SPAG16: variants seen among roughly 807,000 people sequenced by gnomAD.
The protein encoded by SPAG16 is sperm-associated antigen 16 protein.
SPAG16 carries 86 observed loss-of-function variants against 80.4 expected under a neutral mutation model. That is an observed-to-expected ratio of 1.07 (90% CI 0.90 to 1.28). The LOEUF (loss-of-function observed/expected upper bound fraction) is 1.28. SPAG16 is among the 50% of genes most tolerant of loss of function. The pLI is 0.00. For synonymous variants in SPAG16, 294 were observed against 265.9 expected, an observed-to-expected ratio of 1.11 and a Z score of -1.03; for missense variants, 870 against 765.3, an observed-to-expected ratio of 1.14 and a Z score of -1.61.
At chr2:214,265,831 A>G (rs1691526671) in intron 15 of SPAG16, among the ~76,000 whole-genome samples, 1 of 151,928 alleles carries the variant, frequency 6.6e-6, no homozygotes, top group Non-Finnish European at 1.5e-5. Flanking sequence ...TTTAATGTTA[A>G]GTTCTCAAAG....
intron 10 of SPAG16, among the ~76,000 whole-genome samples, chr2:213,600,814 G>A (rs1352862868): frequency 6.6e-6 from 1 of 152,166 alleles, no homozygotes; most frequent in Non-Finnish European, 1.5e-5. Context: ...TTCTCGCTAT[G>A]TGTTGTAGAG....
At chr2:213,504,249 G>A (rs368143096) in intron 10 of SPAG16, among the ~76,000 whole-genome samples, 1 of 152,172 alleles carries the variant, frequency 6.6e-6, no homozygotes, top group Non-Finnish European at 1.5e-5. Flanking sequence ...AGGGCAGTGT[G>A]TAGAGAGGGA....
chr2:213,795,858 C>T (rs929005458), intron 10 of SPAG16, among the ~76,000 whole-genome samples: 1 of 152,170 alleles, frequency 6.6e-6, no homozygotes, highest in Non-Finnish European at 1.5e-5. Context: ...GAGGACTCCG[C>T]AGAAGCAGAA....
At chr2:213,484,295 C>T (rs1459860428) in intron 9 of SPAG16, among the ~76,000 whole-genome samples, 1 of 152,012 alleles carries the variant, frequency 6.6e-6, no homozygotes, top group African/African-American at 2.4e-5. Context: ...CAGTCTAAAG[C>T]CCAAGAAATG....
intron 5 of SPAG16, among the ~76,000 whole-genome samples, chr2:213,322,184 T>C (rs1289947706): frequency 6.6e-6 from 1 of 151,616 alleles, no homozygotes; most frequent in African/African-American, 2.4e-5. Flanking sequence ...TAAACCTTGT[T>C]TTATTTGGTA....
At chr2:213,809,309 C>G (rs183099008) in intron 10 of SPAG16, among the ~76,000 whole-genome samples, 2 of 152,104 alleles carry the variant, frequency 1.3e-5, no homozygotes, top group African/African-American at 2.4e-5. Flanking sequence ...TTCACCCTGG[C>G]TAAGAGAAGA....
At chr2:213,923,807 A>C (rs2078333110) in intron 11 of SPAG16, 1 of 152,326 alleles carries the variant, frequency 6.6e-6, no homozygotes, top group Non-Finnish European at 1.5e-5. Flanking sequence ...AGGAAGCTGC[A>C]CCTTCCAGCT....
intron 11 of SPAG16, among the ~76,000 whole-genome samples, chr2:213,906,103 G>T (rs1211370880): frequency 1.3e-5 from 2 of 152,068 alleles, no homozygotes; most frequent in Non-Finnish European, 2.9e-5. Flanking sequence ...ATACTTCAGA[G>T]ACCTTTATTT....
At chr2:214,295,120 G>A (rs1260374159) in intron 15 of SPAG16, among the ~76,000 whole-genome samples, 1 of 152,188 alleles carries the variant, frequency 6.6e-6, no homozygotes, top group African/African-American at 2.4e-5. Flanking sequence ...CAAGAGGTTA[G>A]TGCTCAGGTC....
chr2:213,899,987 C>T (rs1025935412), intron 11 of SPAG16, among the ~76,000 whole-genome samples: 4 of 152,124 alleles, frequency 2.6e-5, no homozygotes, highest in African/African-American at 7.2e-5. Context: ...GCAGAGATTG[C>T]GAAGAAAGTA....
intron 15 of SPAG16, among the ~76,000 whole-genome samples, chr2:214,332,120 C>T (rs187211326): frequency 4.5e-4 from 68 of 152,260 alleles, no homozygotes; most frequent in Non-Finnish European, 2.9e-5. Context: ...GGCATGGTGG[C>T]ATGCTCCTGT....
rs762677168 is a variant in SPAG16 at position 213,976,125 on chromosome 2, T to C, written c.1401-37826T>C. Among the ~76,000 whole-genome samples the C allele has an allele frequency of 7.6e-3, 784 of 103,064 alleles. 15 individuals are homozygous for C. The highest frequency in any genetic ancestry group is 0.03 in the African/African-American group (753 of 25,520). The allele number at this position is 103,064 out of a possible 152,430, so 67.6% of individuals were successfully genotyped here. Reference sequence around the variant, plus strand: ...AGTGAGGGAGATATATATATATATATATATATATATACACACACACACACA... The same window carrying C: ...AGTGAGGGAGATATATATATATATACATATATATATACACACACACACACA... On this transcript the variant is annotated intron_variant, in intron 12 of 15. Transcript: ENST00000331683.
intron 10 of SPAG16, among the ~76,000 whole-genome samples, chr2:213,713,105 C>CT (rs1431163572): frequency 1.3e-5 from 2 of 152,138 alleles, no homozygotes; most frequent in Non-Finnish European, 2.9e-5. Context: ...TGAGAATTCA[C>CT]TCACTACCAT....
At position 214,005,330 on chromosome 2, in the gene SPAG16, T is replaced by C. The variant is rs149847246; in HGVS notation, c.1401-8621T>C. 2.2e-3 allele frequency among the ~76,000 whole-genome samples: 331 copies of C among 152,322 alleles called. 3 individuals carry two copies. Among genetic ancestry groups the C allele is most frequent in the Admixed American group, 0.014 (217 of 15,298 alleles). On this transcript the variant is annotated intron_variant, in intron 12 of 15. Transcript: ENST00000331683. ...ACTATGATCATTTTATTTGTTCACC[T>C]TTTGCTTTTAGACCCAAGATCCTGC...
At chr2:213,718,444 T>G (rs1222634034) in intron 10 of SPAG16, among the ~76,000 whole-genome samples, 1 of 152,160 alleles carries the variant, frequency 6.6e-6, no homozygotes, top group African/African-American at 2.4e-5. Flanking sequence ...CTTTCTGGGC[T>G]GGCCAAGGCT....
At chr2:213,505,029 G>T (rs191228954) in intron 10 of SPAG16, among the ~76,000 whole-genome samples, 1 of 152,178 alleles carries the variant, frequency 6.6e-6, no homozygotes, top group East Asian at 1.9e-4. Flanking sequence ...TTTGGTTCGA[G>T]GAAGAGCATT....
intron 10 of SPAG16, among the ~76,000 whole-genome samples, chr2:213,526,500 C>G (rs2075891498): frequency 6.6e-6 from 1 of 152,088 alleles, no homozygotes; most frequent in Non-Finnish European, 1.5e-5. Flanking sequence ...TTTCCAGCAC[C>G]CCTTTGGCTC....
chr2:214,050,763 T>C (rs2049600939), intron 13 of SPAG16, among the ~76,000 whole-genome samples: 1 of 152,164 alleles, frequency 6.6e-6, no homozygotes, highest in East Asian at 1.9e-4. Flanking sequence ...ATCTTCTTTT[T>C]CTCCCTCTCT....
At chr2:213,387,371 C>A (rs541573429) in intron 9 of SPAG16, among the ~76,000 whole-genome samples, 1 of 123,176 alleles carries the variant, frequency 8.1e-6, no homozygotes, top group South Asian at 2.8e-4. Flanking sequence ...TAACTTGTTT[C>A]TTCCATCCTT....
Sources: gnomAD v4.1 joint callset for allele counts (sites outside exome capture counted in the v4.1 genomes callset) on GRCh38, gnomAD v4.1.1 for gene constraint, MANE v1.5 for transcripts, NCBI Gene and HGNC (gene_info 2026-07-23, HGNC 2026-07-21) for gene names.